DYTN: variants seen among roughly 807,000 people sequenced by gnomAD.
The protein encoded by DYTN is dystrotelin.
DYTN carries 75 observed loss-of-function variants against 69.6 expected under a neutral mutation model. The observed-to-expected ratio is 1.08, with a 90% CI of 0.89 to 1.31. The LOEUF (loss-of-function observed/expected upper bound fraction) is 1.31. Ranked by LOEUF, DYTN falls within the 50% of genes most tolerant of loss-of-function variation. The probability of loss-of-function intolerance (pLI) is 0.00; values close to 1 mark genes in which losing one functional copy is unlikely to be tolerated. For synonymous variants in DYTN, 252 were observed against 249.1 expected (o/e 1.01, Z -0.11); for missense variants, 726 against 688.4 (o/e 1.05, Z -0.61).
At position 206,716,042 on chromosome 2, in the gene DYTN, C is replaced by T. The variant is rs765008375; in HGVS notation, c.19+2219G>A. 3.9e-5 allele frequency among the ~76,000 whole-genome samples: 6 copies of T among 152,106 alleles called. No individual in the cohort carries two copies. In the East Asian group the frequency reaches 1.2e-3, roughly 29 times the overall value. On this transcript the variant is annotated intron_variant, in intron 1 of 11. Coordinates refer to ENST00000452335, the MANE Select transcript of DYTN (RefSeq NM_001093730.1). ...GTTGGAGGTTGCAGTGAGCCAAGAT[C>T]GCGCTACTGCACTCCAGCCTGGTGG...
At position 206,694,427 on chromosome 2, in the gene DYTN, A is replaced by G. The variant is rs540916174; in HGVS notation, c.831+339T>C. 1.6e-4 allele frequency among the ~76,000 whole-genome samples: 25 copies of G among 152,284 alleles called. No homozygotes were observed. In the South Asian group the frequency reaches 5.0e-3, roughly 30 times the overall value. ...GAAGTCTTGCTGCATCATTTTTGCCATATCAGAGCCCTTCTCTTTTCCATC... is the reference window on the plus strand; with the variant it reads ...GAAGTCTTGCTGCATCATTTTTGCCGTATCAGAGCCCTTCTCTTTTCCATC... On this transcript the variant is annotated intron_variant, in intron 8 of 11. Transcript: ENST00000452335.
At chr2:206,680,886 G>A (rs985192398) in intron 9 of DYTN, among the ~76,000 whole-genome samples, 2 of 152,128 alleles carry the variant, frequency 1.3e-5, no homozygotes, top group Admixed American at 1.3e-4. Context: ...GGTTCCATAT[G>A]AAATTTAAAA....
chr2:206,692,158 G>A (rs1033855103), intron 9 of DYTN, among the ~76,000 whole-genome samples: 2 of 151,838 alleles, frequency 1.3e-5, no homozygotes, highest in African/African-American at 4.8e-5. Flanking sequence ...GTATGTGCCT[G>A]GGAGGCTGAG....
At chr2:206,654,152 C>A (rs1699420771) in intron 11 of DYTN, among the ~76,000 whole-genome samples, 2 of 152,328 alleles carry the variant, frequency 1.3e-5, no homozygotes, top group African/African-American at 2.4e-5. Context: ...GGAAATATAT[C>A]TTTTCCCATT....
chr2:206,702,634 T>G (rs1197248550), intron 5 of DYTN, among the ~76,000 whole-genome samples: 1 of 152,216 alleles, frequency 6.6e-6, no homozygotes, highest in Non-Finnish European at 1.5e-5. Context: ...ATTTAGACTG[T>G]GTTGTTGATC....
intron 2 of DYTN, among the ~76,000 whole-genome samples, chr2:206,710,298 T>C (rs901245633): frequency 2.1e-4 from 32 of 152,366 alleles, no homozygotes; most frequent in African/African-American, 6.3e-4. Context: ...AAAATCCTCA[T>C]GCACAATTAT....
chr2:206,687,197 C>T (rs1247956976), intron 9 of DYTN: 1 of 157,026 alleles, frequency 6.4e-6, no homozygotes, highest in East Asian at 1.9e-4. Context: ...AGCTTCAAAA[C>T]TGCCCACACT....
At chr2:206,668,402 G>C (rs1048214271) in intron 9 of DYTN, among the ~76,000 whole-genome samples, 1 of 152,150 alleles carries the variant, frequency 6.6e-6, no homozygotes, top group African/African-American at 2.4e-5. Context: ...ATGCTTATGG[G>C]TTGTTTCTAG....
At chr2:206,688,934 G>A (rs2105896098) in intron 9 of DYTN, among the ~76,000 whole-genome samples, 1 of 152,112 alleles carries the variant, frequency 6.6e-6, no homozygotes, top group African/African-American at 2.4e-5. Flanking sequence ...GAAGAATTTT[G>A]TATATGTTTA....
chr2:206,689,302 A>G (rs1574597028), intron 9 of DYTN, among the ~76,000 whole-genome samples: 2 of 152,360 alleles, frequency 1.3e-5, no homozygotes, highest in South Asian at 4.1e-4. Context: ...GGCCATAACC[A>G]TTAATCTCTT....
chr2:206,693,398 C>T lies in DYTN; in HGVS notation c.832-75G>A, dbSNP rs1049489179. 7 of 1,508,232 alleles carry T rather than the reference C, an allele frequency of 4.6e-6. No individual in the cohort carries two copies. In the African/African-American group the frequency reaches 8.4e-5, roughly 18 times the overall value. The allele number at this position is 1,508,232 out of a possible 1,614,324, so 93.4% of individuals were successfully genotyped here. A position where few individuals can be genotyped will look rare whatever the true frequency, so the allele number is the denominator to read the frequency against. On this transcript the variant is annotated intron_variant, in intron 8 of 11. Transcript: ENST00000452335. Reference sequence around the variant, plus strand: ...GGTCTTCCTTCCTTACTTGGATGGACTGGCCACCATGAAAGTTTTTGGAAT... The same window carrying T: ...GGTCTTCCTTCCTTACTTGGATGGATTGGCCACCATGAAAGTTTTTGGAAT...
chr2:206,664,691 G>T (rs1699551056), intron 10 of DYTN, among the ~76,000 whole-genome samples: 1 of 152,052 alleles, frequency 6.6e-6, no homozygotes, highest in Admixed American at 6.6e-5. Flanking sequence ...TAAAAAACAG[G>T]CTTTCAGTCA....
At chr2:206,707,281 G>A (rs370148414) in intron 3 of DYTN, 21 bp downstream of exon 3, 5 of 1,604,480 alleles carry the variant, frequency 3.1e-6, no homozygotes, top group Non-Finnish European at 2.6e-6. Flanking sequence ...TGAGGTCACA[G>A]CGCGACGTCC....
chr2:206,662,373 G>A (rs1313497534), intron 11 of DYTN, among the ~76,000 whole-genome samples: 1 of 152,066 alleles, frequency 6.6e-6, no homozygotes, highest in Non-Finnish European at 1.5e-5. Flanking sequence ...ACCCTAATGA[G>A]AAATAAGACA....
chr2:206,676,850 T>C (rs1332420205), intron 9 of DYTN, among the ~76,000 whole-genome samples: 1 of 152,178 alleles, frequency 6.6e-6, no homozygotes, highest in Admixed American at 6.5e-5. Flanking sequence ...GGTATGTTTA[T>C]GGTTTCACAG....
At chr2:206,655,220 T>C (rs2105885582) in intron 11 of DYTN, among the ~76,000 whole-genome samples, 1 of 151,768 alleles carries the variant, frequency 6.6e-6, no homozygotes, top group East Asian at 1.9e-4. Flanking sequence ...AATGCTTTTT[T>C]CCTATATCTA....
intron 9 of DYTN, among the ~76,000 whole-genome samples, chr2:206,676,755 T>C (rs903247064): frequency 6.6e-6 from 1 of 152,126 alleles, no homozygotes; most frequent in Non-Finnish European, 1.5e-5. Context: ...TAAAATTTGC[T>C]CAGAGATTAG....
Position 206,665,989 on chromosome 2 carries a change from G to C in DYTN, c.1021C>G (p.Gln341Glu). ...KQLNQYKDKL[Q>E]AIYTSQEERI... ...TCTTCCTGGGAGGTGTATATAGCTT[G>C]CAACTTGTCTTTGTATTGGTTTAAC... Residue 341 changes from glutamine (Q) to glutamate (E), a missense_variant, in exon 10 of 12, where the codon CAA becomes GAA. Coordinates refer to ENST00000452335, the MANE Select transcript of DYTN (RefSeq NM_001093730.1). The C allele has an allele frequency of 6.2e-7, 1 of 1,613,906 alleles. No individual in the cohort carries two copies. Among genetic ancestry groups the C allele is most frequent in the South Asian group, 1.1e-5 (1 of 91,082 alleles).
chr2:206,692,805 CTT>C (rs574617680), intron 9 of DYTN, among the ~76,000 whole-genome samples: 7 of 143,714 alleles, frequency 4.9e-5, no homozygotes, highest in Non-Finnish European at 4.6e-5. Context: ...CTTTCTTTTC[CTT>C]TTTTTTTTTT....
Sources: gnomAD v4.1 joint callset for allele counts (sites outside exome capture counted in the v4.1 genomes callset) on GRCh38, gnomAD v4.1.1 for gene constraint, MANE v1.5 for transcripts, NCBI Gene and HGNC (gene_info 2026-07-23, HGNC 2026-07-21) for gene names.